Variants in PEX5L observed in about 807,000 individuals in gnomAD.
PEX5L encodes peroxisomal biogenesis factor 5 like, also known as PEX5-related protein.
In PEX5L, 30 loss-of-function variants were observed where a neutral mutation model predicts 84.0. That is an observed-to-expected ratio of 0.36 (90% CI 0.27 to 0.48). PEX5L has a LOEUF of 0.48. PEX5L is among the 20% of genes least tolerant of loss of function. The pLI is 0.99. For synonymous variants in PEX5L, 270 were observed against 283.1 expected (o/e 0.95, Z 0.46); for missense variants, 533 against 754.6 (o/e 0.71, Z 3.44).
chr3:179,898,012 T>C (rs1759932230), intron 3 of PEX5L, 130 bp downstream of exon 3: 10 of 511,738 alleles, frequency 2.0e-5, no homozygotes, highest in Non-Finnish European at 3.4e-5. Flanking sequence ...ATTTGTATAA[T>C]TGTTTCATTG....
chr3:179,951,445 A>C (rs1267633002), intron 2 of PEX5L, among the ~76,000 whole-genome samples: 2 of 152,162 alleles, frequency 1.3e-5, no homozygotes, highest in African/African-American at 4.8e-5. Flanking sequence ...GTCTCTATGA[A>C]ACTTCTACAA....
chr3:179,960,820 C>A (rs558182761), intron 2 of PEX5L, among the ~76,000 whole-genome samples: 1 of 152,092 alleles, frequency 6.6e-6, no homozygotes, highest in South Asian at 2.1e-4. Flanking sequence ...GGGACTACTC[C>A]AATAGTTCAT....
intron 4 of PEX5L, among the ~76,000 whole-genome samples, chr3:179,884,418 A>G (rs974688298): frequency 6.6e-6 from 1 of 152,214 alleles, no homozygotes; most frequent in Non-Finnish European, 1.5e-5. Context: ...TGGAGCAAGG[A>G]GTCATAAGCC....
intron 10 of PEX5L, among the ~76,000 whole-genome samples, chr3:179,815,382 C>T (rs537496939): frequency 3.9e-5 from 6 of 152,280 alleles, no homozygotes; most frequent in South Asian, 4.1e-4. Flanking sequence ...GTCAGGAGTT[C>T]GAGACCAGCC....
chr3:180,035,776 G>A lies in PEX5L; in HGVS notation c.21+803C>T, dbSNP rs569350930. 2.6e-5 allele frequency among the ~76,000 whole-genome samples: 4 copies of A among 152,290 alleles called. 1 individual carries two copies. In the South Asian group the frequency reaches 8.3e-4, roughly 32 times the overall value. On this transcript the variant is annotated intron_variant, in intron 1 of 14. Coordinates refer to ENST00000467460, the MANE Select transcript of PEX5L (RefSeq NM_016559.3). ...CCTGATGACTAAACCATTTAGGTGC[G>A]ATAAAGAGTCCAGTTCATACTTTAG... is the stretch of plus-strand genomic sequence containing the variant.
chr3:179,919,124 T>TATCA (rs1768337878), intron 2 of PEX5L, among the ~76,000 whole-genome samples: 1 of 152,068 alleles, frequency 6.6e-6, no homozygotes, highest in Admixed American at 6.5e-5. Context: ...ATCAGTAAAG[T>TATCA]GGAAAAGCAA....
chr3:180,028,877 T>C (rs761973448), intron 1 of PEX5L, among the ~76,000 whole-genome samples: 1 of 152,240 alleles, frequency 6.6e-6, no homozygotes, highest in Non-Finnish European at 1.5e-5. Flanking sequence ...AAAGACCAAA[T>C]ACCTGTGAAA....
rs752138553 is a variant in PEX5L at position 179,808,348 on chromosome 3, C to T, written c.1442G>A (p.Gly481Glu). ...TTCTCCACTCAGGTGGAACAGAACC[C>T]CTAGACCTGTCTGCAGGTCTGGGTC... is the stretch of plus-strand genomic sequence containing the variant. ...MIDPDLQTGL[G>E]VLFHLSGEFN... The change falls in exon 13 of 15, where the codon GGG becomes GAG. Residue 481 changes from glycine (G) to glutamate (E), a missense_variant. By Grantham distance (98) the Gly-to-Glu change is moderately conservative. This residue lies in a region of PEX5L where 105 missense variants were observed against 204.6 expected (regional missense o/e 0.51). Coordinates refer to ENST00000467460, the MANE Select transcript of PEX5L (RefSeq NM_016559.3). 2 of 1,605,174 alleles carry T rather than the reference C, an allele frequency of 1.2e-6. No homozygotes were observed. Among genetic ancestry groups the T allele is most frequent in the African/African-American group, 1.3e-5 (1 of 74,394 alleles).
intron 2 of PEX5L, among the ~76,000 whole-genome samples, chr3:179,947,209 C>T (rs1438197770): frequency 1.3e-5 from 2 of 151,954 alleles, no homozygotes; most frequent in African/African-American, 2.4e-5. Context: ...TTGAAATTTC[C>T]AAACACTAAA....
intron 8 of PEX5L, among the ~76,000 whole-genome samples, chr3:179,826,064 A>G (rs2109038246): frequency 6.6e-6 from 1 of 152,284 alleles, no homozygotes; most frequent in South Asian, 2.1e-4. Flanking sequence ...CGAGGCTCTC[A>G]CCAAGCAATG....
chr3:179,916,572 G>C (rs949398356), intron 2 of PEX5L, among the ~76,000 whole-genome samples: 1 of 152,080 alleles, frequency 6.6e-6, no homozygotes, highest in Non-Finnish European at 1.5e-5. Flanking sequence ...TGTACCCTTA[G>C]GCTGCACTAA....
At position 179,865,832 on chromosome 3, in the gene PEX5L, G is replaced by C. The variant is rs73885962; in HGVS notation, c.727-6675C>G. Among the ~76,000 whole-genome samples the C allele has an allele frequency of 4.6e-3, 698 of 152,248 alleles. 3 individuals are homozygous for C. Among genetic ancestry groups the C allele is most frequent in the African/African-American group, 0.016 (668 of 41,546 alleles). ...TCTAACAAGTTCTCAGGTGATACTG[G>C]TAGTGCTAGGCTAGGAAACTACACA... On this transcript the variant is annotated intron_variant, in intron 7 of 14. Coordinates refer to ENST00000467460, the MANE Select transcript of PEX5L (RefSeq NM_016559.3).
Position 179,797,785 on chromosome 3 carries a change from T to C in PEX5L, c.*4043A>G, listed in dbSNP as rs1717636064. The C allele has an allele frequency of 6.6e-6, 1 of 151,854 alleles. No homozygotes were observed. Among genetic ancestry groups the C allele is most frequent in the Admixed American group, 6.6e-5 (1 of 15,244 alleles). 9.4% of individuals were successfully genotyped at this position (151,854 alleles called of 1,614,324 possible). A position where few individuals can be genotyped will look rare whatever the true frequency, so the allele number is the denominator to read the frequency against. On this transcript the variant is annotated 3_prime_UTR_variant, in exon 15 of 15. Coordinates refer to ENST00000467460, the MANE Select transcript of PEX5L (RefSeq NM_016559.3). ...TGTGCACGTGTAATAATTTCTAAAA[T>C]AAGAGGGTTCAAAAAGGATGGCATA...
At chr3:180,007,515 CTCCTAGTGTGGGAGT>C (rs758670927) in intron 1 of PEX5L, among the ~76,000 whole-genome samples, 4 of 152,218 alleles carry the variant, frequency 2.6e-5, no homozygotes, top group Admixed American at 6.5e-5. Flanking sequence ...CCAGTAGGGA[CTCCTAGTGTGGGAGT>C]TCCTAGTGTG....
At position 180,006,266 on chromosome 3, in the gene PEX5L, C is replaced by T. The variant is rs149576373; in HGVS notation, c.21+30313G>A. On this transcript the variant is annotated intron_variant, in intron 1 of 14. Transcript: ENST00000467460. Reference sequence around the variant, plus strand: ...TCCATTCATACCAGGCCTTATATTCCCTTCGCCACTTCCTTCTTTATTATT... The same window carrying T: ...TCCATTCATACCAGGCCTTATATTCTCTTCGCCACTTCCTTCTTTATTATT... 4.2e-3 allele frequency among the ~76,000 whole-genome samples: 646 copies of T among 152,140 alleles called. 11 individuals are homozygous for T. The highest frequency in any genetic ancestry group is 0.015 in the African/African-American group (619 of 41,506).
intron 4 of PEX5L, among the ~76,000 whole-genome samples, chr3:179,885,222 A>T (rs1250313223): frequency 6.6e-6 from 1 of 152,178 alleles, no homozygotes; most frequent in Non-Finnish European, 1.5e-5. Flanking sequence ...TGGTCTATGT[A>T]GAAGTCCTAA....
chr3:179,820,001 A>G (rs200642028), intron 8 of PEX5L, 25 bp from the exon 9 acceptor site: 9 of 1,613,138 alleles, frequency 5.6e-6, no homozygotes, highest in Non-Finnish European at 7.6e-6. Context: ...AAATGAATGG[A>G]GATGGATTTA....
At chr3:179,996,188 G>T (rs1329752031) in intron 1 of PEX5L, among the ~76,000 whole-genome samples, 2 of 152,132 alleles carry the variant, frequency 1.3e-5, no homozygotes, top group African/African-American at 2.4e-5. Context: ...CCCCAGCAGG[G>T]CCCTAGAGGT....
chr3:179,969,440 T>C (rs1784193243), intron 2 of PEX5L, among the ~76,000 whole-genome samples: 1 of 152,064 alleles, frequency 6.6e-6, no homozygotes, highest in Non-Finnish European at 1.5e-5. Context: ...ATATTCATTT[T>C]CTGGAAAACA....
Sources: gnomAD v4.1 joint callset for allele counts (sites outside exome capture counted in the v4.1 genomes callset) on GRCh38, gnomAD v4.1.1 for gene constraint, gnomAD v4.1.1 regional missense constraint, MANE v1.5 for transcripts, NCBI Gene and HGNC (gene_info 2026-07-23, HGNC 2026-07-21) for gene names.